B4GALNT3: variants seen among roughly 807,000 people sequenced by gnomAD.
B4GALNT3 encodes the protein beta-1,4-N-acetylgalactosaminyltransferase 3.
A neutral mutation model predicts 120.2 loss-of-function variants in B4GALNT3; 86 were observed. That is an observed-to-expected ratio of 0.72 (90% CI 0.60 to 0.86). The LOEUF is 0.86. Ranked by LOEUF, B4GALNT3 falls within the 40% of genes least tolerant of loss-of-function variation. The probability of loss-of-function intolerance (pLI) is 0.00; values close to 1 mark genes in which losing one functional copy is unlikely to be tolerated. For synonymous variants in B4GALNT3, 518 were observed against 510.4 expected, an observed-to-expected ratio of 1.01 and a Z score of -0.20; for missense variants, 1,167 against 1,298.9, an observed-to-expected ratio of 0.90 and a Z score of 1.56.
rs1403139446 is a variant in B4GALNT3 at position 552,168 on chromosome 12, G to T, written c.1208+5G>T. 6.3e-7 allele frequency: 1 copy of T among 1,594,146 alleles called. No individual in the cohort carries two copies. Among genetic ancestry groups the T allele is most frequent in the Non-Finnish European group, 8.6e-7 (1 of 1,162,010 alleles). ...AAACGCCTACTACCAAGACCGGTGA[G>T]AGACACTGAGTGGGGCAGGAAGGTG... On this transcript the variant is annotated splice_donor_5th_base_variant and intron_variant, in intron 12 of 19. Transcript: ENST00000266383.
intron 1 of B4GALNT3, among the ~76,000 whole-genome samples, chr12:496,166 A>T (rs1946385602): frequency 6.6e-6 from 1 of 152,082 alleles, no homozygotes; most frequent in Non-Finnish European, 1.5e-5. Flanking sequence ...TTCGCGAACA[A>T]ATGGTAGCAA....
intron 1 of B4GALNT3, among the ~76,000 whole-genome samples, chr12:492,333 G>T (rs1169405570): frequency 6.6e-6 from 1 of 152,060 alleles, no homozygotes. Context: ...ATGAACAAGT[G>T]GAATTTGAAA....
intron 1 of B4GALNT3, among the ~76,000 whole-genome samples, chr12:504,635 C>T (rs548291005): frequency 7.3e-5 from 11 of 151,712 alleles, no homozygotes; most frequent in East Asian, 2.0e-4. Flanking sequence ...ATTTTTAGCC[C>T]GGGAATTTGA....
chr12:546,761 G>A (rs1947012876), intron 7 of B4GALNT3, 48 bp downstream of exon 7: 1 of 1,521,112 alleles, frequency 6.6e-7, no homozygotes, highest in Non-Finnish European at 8.9e-7. Context: ...GTGCCTCGGT[G>A]GAGCCCGGCT....
chr12:552,292 TACACACACACACACACACACACAC>T lies in B4GALNT3; in HGVS notation c.1208+150_1209-131del, dbSNP rs10604398. The T allele has an allele frequency of 7.3e-5, 46 of 627,116 alleles. No homozygotes were observed. The East Asian group carries it at 8.0e-4, about 11-fold the overall frequency. The allele number at this position is 627,116 out of a possible 1,614,324, so 38.8% of individuals were successfully genotyped here. A position where few individuals can be genotyped will look rare whatever the true frequency, so the allele number is the denominator to read the frequency against. The stretch of plus-strand genomic sequence containing the variant: ...CTTTGCTCTTGCTCTTCCTGAGTAC[TACACACACACACACACACACACAC>T]ACACACACACACACACACACCCGCT... On this transcript the variant is annotated intron_variant, in intron 12 of 19. Transcript: ENST00000266383.
In B4GALNT3 at chr12:556,562, G is replaced by A. The variant is rs1264516865; in HGVS notation, c.2076G>A (p.Gln692=). Residue 692 remains glutamine, a synonymous_variant, in exon 15 of 20, where the codon CAG becomes CAA. Coordinates refer to ENST00000266383, the MANE Select transcript of B4GALNT3 (RefSeq NM_173593.4). ...TCTGCCATAGGAGGTACCAGCTACA[G>A]CGCATTGTGAACGTGGAAAAGCGTC... ...NQRSRGRYQL[Q]RIVNVEKRQD... is the part of the protein sequence containing the mutation. 6.2e-7 allele frequency: 1 copy of A among 1,613,336 alleles called. No homozygotes were observed. The highest frequency in any genetic ancestry group is 2.2e-5 in the East Asian group (1 of 44,866).
intron 1 of B4GALNT3, among the ~76,000 whole-genome samples, chr12:479,500 A>C (rs879207061): frequency 6.6e-6 from 1 of 152,222 alleles, no homozygotes; most frequent in Admixed American, 6.5e-5. Flanking sequence ...TTGGTCACCT[A>C]ACAGCCAAGA....
chr12:554,370 G>A (rs992237599), intron 14 of B4GALNT3, among the ~76,000 whole-genome samples: 3 of 152,192 alleles, frequency 2.0e-5, no homozygotes, highest in Non-Finnish European at 2.9e-5. Flanking sequence ...GGGTTAGGGC[G>A]TGATGCATGA....
intron 1 of B4GALNT3, among the ~76,000 whole-genome samples, chr12:533,859 A>G (rs1946832106): frequency 6.6e-6 from 1 of 151,676 alleles, no homozygotes. Flanking sequence ...ACCCCTCCCC[A>G]GGCCTGTTAC....
Position 561,431 on chromosome 12 carries a change from C to T in B4GALNT3, c.2977C>T (p.Arg993Cys), listed in dbSNP as rs371741815. 1.6e-5 allele frequency: 26 copies of T among 1,613,142 alleles called. 1 individual carries two copies. Among genetic ancestry groups the T allele is most frequent in the African/African-American group, 1.2e-4 (9 of 74,950 alleles). Residue 993 changes from arginine (R) to cysteine (C), a missense_variant, in exon 20 of 20, where the codon CGC becomes TGC. Around this residue, in one of 3 missense-constraint regions of B4GALNT3, gnomAD observed 983 missense variants for 1,102.5 expected, o/e 0.89. Coordinates refer to ENST00000266383, the MANE Select transcript of B4GALNT3 (RefSeq NM_173593.4). ...TTCCAAGCGAGGCATGTGGAGCCGT[C>T]GCCAGATGAAGACGCTGTAGCCGGA... is the stretch of plus-strand genomic sequence containing the variant. The part of the protein sequence containing the change: ...FHSKRGMWSR[R>C]QMKTL
chr12:543,450 G>A (rs372291205), intron 3 of B4GALNT3, among the ~76,000 whole-genome samples: 5,319 of 116,748 alleles, frequency 0.046, 68 homozygotes, highest in African/African-American at 0.072. Flanking sequence ...GAGCTGGGGC[G>A]GGCATGGGGT....
chr12:534,702 C>A lies in B4GALNT3; in HGVS notation c.170-464C>A, dbSNP rs148462068. Among the ~76,000 whole-genome samples the A allele has an allele frequency of 5.0e-4, 76 of 152,328 alleles. 1 individual carries two copies. In the East Asian group the frequency reaches 7.5e-3, roughly 15 times the overall value. The stretch of plus-strand genomic sequence containing the variant: ...CTGCCTCTCTCAGCTCCGGCTCTAT[C>A]CAGCAACCCAGTGATCAGTGGTAGG... On this transcript the variant is annotated intron_variant, in intron 1 of 19. Coordinates refer to ENST00000266383, the MANE Select transcript of B4GALNT3 (RefSeq NM_173593.4).
In B4GALNT3 at chr12:561,531, T is replaced by C. The variant is rs1441571834; in HGVS notation, c.*80T>C. On this transcript the variant is annotated 3_prime_UTR_variant, in exon 20 of 20. Coordinates refer to ENST00000266383, the MANE Select transcript of B4GALNT3 (RefSeq NM_173593.4). ...CCAGGGCCCTGCTACTGTTCAGGGA[T>C]GGGGAGTGGGGTGACGGCTGGACCC... The C allele has an allele frequency of 1.7e-6, 2 of 1,151,160 alleles. No individual in the cohort carries two copies. Among genetic ancestry groups the C allele is most frequent in the East Asian group, 2.5e-5 (1 of 39,410 alleles). The allele number at this position is 1,151,160 out of a possible 1,614,324, so 71.3% of individuals were successfully genotyped here.
At chr12:530,614 C>G (rs369631483) in intron 1 of B4GALNT3, among the ~76,000 whole-genome samples, 1 of 152,190 alleles carries the variant, frequency 6.6e-6, no homozygotes, top group African/African-American at 2.4e-5. Flanking sequence ...TTATCCCGTT[C>G]ACTGTGTGGC....
chr12:477,736 G>C (rs1946197893), intron 1 of B4GALNT3, among the ~76,000 whole-genome samples: 1 of 152,188 alleles, frequency 6.6e-6, no homozygotes. Context: ...CCCTTTGGTA[G>C]ACAGATTCAT....
chr12:545,667 G>A (rs1284549047), intron 6 of B4GALNT3, among the ~76,000 whole-genome samples, 198 bp downstream of exon 6: 1 of 139,118 alleles, frequency 7.2e-6, no homozygotes, highest in East Asian at 2.0e-4. Context: ...GTGGGGAGGA[G>A]CGAGGTGTGG....
At chr12:511,334 C>G (rs1458858433) in intron 1 of B4GALNT3, among the ~76,000 whole-genome samples, 1,884 of 57,190 alleles carry the variant, frequency 0.033, 95 homozygotes, top group South Asian at 0.039. Context: ...TTCCACCTTC[C>G]ACCTTCCTTC....
Position 536,253 on chromosome 12 carries a change from C to T in B4GALNT3, c.309C>T (p.Ser103=). The T allele has an allele frequency of 1.2e-6, 2 of 1,614,148 alleles. No homozygotes were observed. The highest frequency in any genetic ancestry group is 1.6e-4 in the Middle Eastern group (1 of 6,062). Residue 103 remains serine, a synonymous_variant, in exon 3 of 20, where the codon AGC becomes AGT. Coordinates refer to ENST00000266383, the MANE Select transcript of B4GALNT3 (RefSeq NM_173593.4). ...HDIDQGVSSN[S]SYLKWNKPVP... The stretch of plus-strand genomic sequence containing the variant: ...TTGACCAAGGGGTGAGCAGTAACAG[C>T]AGCTACTTGAAGTGGAACAAGCCTG...
chr12:551,141 C>A, intron 11 of B4GALNT3, 110 bp downstream of exon 11: 1 of 953,982 alleles, frequency 1.0e-6, no homozygotes, highest in Non-Finnish European at 1.6e-6. Context: ...ACATCCCATC[C>A]CAGCAGACAG....
Sources: gnomAD v4.1 joint callset for allele counts (sites outside exome capture counted in the v4.1 genomes callset) on GRCh38, gnomAD v4.1.1 for gene constraint, gnomAD v4.1.1 regional missense constraint, MANE v1.5 for transcripts, NCBI Gene and HGNC (gene_info 2026-07-23, HGNC 2026-07-21) for gene names.